Variants in RGS9 observed in about 807,000 individuals in gnomAD.
The protein encoded by RGS9 is regulator of G-protein signalling 9.
RGS9 carries 78 observed loss-of-function variants against 102.0 expected under a neutral mutation model. That is an observed-to-expected ratio of 0.76 (90% CI 0.64 to 0.92). The LOEUF is 0.92. RGS9 is among the 40% of genes least tolerant of loss of function. RGS9 has a pLI of 0.00. For synonymous variants in RGS9, 353 were observed against 318.6 expected (o/e 1.11, Z -1.15); for missense variants, 833 against 866.1 (o/e 0.96, Z 0.48).
At chr17:65,213,839 C>T (rs929808809) in intron 17 of RGS9, among the ~76,000 whole-genome samples, 7 of 152,166 alleles carry the variant, frequency 4.6e-5, no homozygotes, top group African/African-American at 1.7e-4. Flanking sequence ...AGCAGATGAG[C>T]ATTCTTTATT....
intron 2 of RGS9, among the ~76,000 whole-genome samples, chr17:65,157,696 T>G (rs1187985492): frequency 6.6e-6 from 1 of 152,076 alleles, no homozygotes; most frequent in Non-Finnish European, 1.5e-5. Flanking sequence ...GGTCCCAACC[T>G]CCTACCCTGA....
chr17:65,222,967 C>T (rs1175474847), intron 17 of RGS9, among the ~76,000 whole-genome samples: 1 of 152,090 alleles, frequency 6.6e-6, no homozygotes, highest in Non-Finnish European at 1.5e-5. Context: ...CCGAGTCAGC[C>T]AGTTGGGTTT....
Position 65,173,047 on chromosome 17 carries a change from C to T in RGS9, c.583-4685C>T, listed in dbSNP as rs1229388339. ...CAGCGATTCTCCTGCCTCAGCCTGC[C>T]GAGTAGCTGGAATTACAGGTGTGCG... On this transcript the variant is annotated intron_variant, in intron 8 of 18. Transcript: ENST00000262406. The surrounding 1 kb of genome is among the most constrained non-coding windows in gnomAD (Gnocchi z 4.8). Among the ~76,000 whole-genome samples, 2 of 151,826 alleles carry T rather than the reference C, an allele frequency of 1.3e-5. No individual in the cohort carries two copies. The highest frequency in any genetic ancestry group is 6.6e-5 in the Admixed American group (1 of 15,238).
intron 9 of RGS9, among the ~76,000 whole-genome samples, chr17:65,178,050 G>A (rs1261649478): frequency 6.6e-6 from 1 of 152,150 alleles, no homozygotes; most frequent in African/African-American, 2.4e-5. Context: ...GAGCTAATGG[G>A]ATCTAGATGG....
intron 3 of RGS9, 91 bp downstream of exon 3, chr17:65,158,436 A>G: frequency 2.5e-6 from 3 of 1,195,110 alleles, no homozygotes; most frequent in Non-Finnish European, 3.7e-6. Flanking sequence ...TGTGTTTCTG[A>G]GAAATTTACA....
chr17:65,152,014 A>C (rs149720894), intron 1 of RGS9, among the ~76,000 whole-genome samples: 7 of 152,322 alleles, frequency 4.6e-5, no homozygotes, highest in African/African-American at 1.4e-4. Context: ...ACCACCGACA[A>C]TGTATTAACT....
chr17:65,193,254 C>CAAAAAAA (rs377349682), intron 11 of RGS9, among the ~76,000 whole-genome samples: 1 of 83,158 alleles, frequency 1.2e-5, no homozygotes, highest in Admixed American at 1.4e-4. Context: ...TTGGCTGTCT[C>CAAAAAAA]AAAAAAAAAA....
At chr17:65,181,593 C>T (rs918045620) in intron 9 of RGS9, among the ~76,000 whole-genome samples, 24 of 152,348 alleles carry the variant, frequency 1.6e-4, no homozygotes, top group Non-Finnish European at 7.3e-5. Context: ...TTGAGGCATA[C>T]GGAACCCCCA....
intron 8 of RGS9, among the ~76,000 whole-genome samples, chr17:65,172,443 T>C (rs747212462): frequency 7.9e-5 from 12 of 152,208 alleles, no homozygotes; most frequent in Non-Finnish European, 1.5e-4. Context: ...GACTCTACCT[T>C]GGCCTCCCAA....
chr17:65,177,008 T>C (rs111640152), intron 8 of RGS9, among the ~76,000 whole-genome samples: 4,315 of 142,290 alleles, frequency 0.03, 208 homozygotes, highest in African/African-American at 0.11. Flanking sequence ...TTCCATTCCT[T>C]CATCCATCCA....
At chr17:65,204,605 C>T (rs1912978496) in intron 15 of RGS9, among the ~76,000 whole-genome samples, 2 of 152,134 alleles carry the variant, frequency 1.3e-5, no homozygotes, top group South Asian at 4.2e-4. Context: ...GTCTCTTCCA[C>T]CTGTCCACTG....
At position 65,175,279 on chromosome 17, in the gene RGS9, G is replaced by A. The variant is rs565057423; in HGVS notation, c.583-2453G>A. 2.5e-4 allele frequency among the ~76,000 whole-genome samples: 38 copies of A among 152,154 alleles called. No homozygotes were observed. In the South Asian group the frequency reaches 7.3e-3, roughly 29 times the overall value. ...TATGTATGAGAGTGTGTGGGTGTGT[G>A]AGTGTGAGTGTGAGAGTGTGTGAAC... On this transcript the variant is annotated intron_variant, in intron 8 of 18. Coordinates refer to ENST00000262406, the MANE Select transcript of RGS9 (RefSeq NM_003835.4).
chr17:65,225,421 G>A lies in RGS9; in HGVS notation c.1827G>A (p.Gly609=). The A allele has an allele frequency of 6.2e-7, 1 of 1,610,218 alleles. No homozygotes were observed. ...LSPKCPAVSH[G]RVQPLGDVGQ... is the part of the protein sequence containing the mutation. ...CCAAGTGCCCTGCTGTGTCCCACGGGAGGGTGCAGCCCCTGGGGGACGTGG... is the reference window on the plus strand; with the variant it reads ...CCAAGTGCCCTGCTGTGTCCCACGGAAGGGTGCAGCCCCTGGGGGACGTGG... The change falls in exon 18 of 19, where the codon GGG becomes GGA. Residue 609 remains glycine (G), a synonymous_variant. Coordinates refer to ENST00000262406, the MANE Select transcript of RGS9 (RefSeq NM_003835.4).
chr17:65,213,673 C>T (rs1913389348), intron 17 of RGS9, among the ~76,000 whole-genome samples: 1 of 152,050 alleles, frequency 6.6e-6, no homozygotes, highest in African/African-American at 2.4e-5. Flanking sequence ...TCTCACTCGC[C>T]ACAGGTTTGT....
chr17:65,214,119 G>C (rs918415624), intron 17 of RGS9, among the ~76,000 whole-genome samples: 1 of 152,086 alleles, frequency 6.6e-6, no homozygotes, highest in African/African-American at 2.4e-5. Context: ...GCGCCACCAG[G>C]CTTGGCTAAT....
chr17:65,172,569 A>G (rs1911461136), intron 8 of RGS9, among the ~76,000 whole-genome samples: 1 of 152,178 alleles, frequency 6.6e-6, no homozygotes, highest in Non-Finnish European at 1.5e-5. Flanking sequence ...AAAATAAAAA[A>G]AATTAACATA....
At chr17:65,165,812 A>G (rs954618720) in intron 7 of RGS9, among the ~76,000 whole-genome samples, 1 of 152,190 alleles carries the variant, frequency 6.6e-6, no homozygotes, top group African/African-American at 2.4e-5. Flanking sequence ...TTCCAATGTT[A>G]CTTCCTCAAA....
At chr17:65,180,498 C>T (rs998029590) in intron 9 of RGS9, among the ~76,000 whole-genome samples, 2 of 152,054 alleles carry the variant, frequency 1.3e-5, no homozygotes, top group Non-Finnish European at 2.9e-5. Flanking sequence ...CAGGTGTGTT[C>T]CACCACGCCC....
At chr17:65,171,767 G>A (rs1340585700) in intron 8 of RGS9, among the ~76,000 whole-genome samples, 1 of 152,220 alleles carries the variant, frequency 6.6e-6, no homozygotes, top group East Asian at 1.9e-4. Flanking sequence ...GAAGGAAAAC[G>A]ATGTTTCTCA....
Sources: gnomAD v4.1 joint callset for allele counts (sites outside exome capture counted in the v4.1 genomes callset) on GRCh38, gnomAD v4.1.1 for gene constraint, Gnocchi (gnomAD v3.1) non-coding constraint, MANE v1.5 for transcripts, NCBI Gene and HGNC (gene_info 2026-07-23, HGNC 2026-07-21) for gene names.